Variants in GRB10 observed in about 807,000 individuals in gnomAD.
GRB10 encodes the protein growth factor receptor-bound protein 10.
In GRB10, 20 loss-of-function variants were observed where a neutral mutation model predicts 80.9. The observed-to-expected ratio is 0.25, with a 90% CI of 0.17 to 0.36. GRB10 has a LOEUF of 0.36. Ranked by LOEUF, GRB10 falls within the 10% of genes least tolerant of loss-of-function variation. GRB10 has a pLI of 1.00. For synonymous variants in GRB10, 291 were observed against 291.5 expected (o/e 1.00, Z 0.02); for missense variants, 548 against 747.7 (o/e 0.73, Z 3.12).
At chr7:50,745,219 A>T (rs1335288769) in intron 3 of GRB10, among the ~76,000 whole-genome samples, 1 of 152,228 alleles carries the variant, frequency 6.6e-6, no homozygotes, top group East Asian at 1.9e-4. Flanking sequence ...TGTAATTTTA[A>T]ATTTGCAATG....
chr7:50,774,082 T>C (rs894788976), intron 2 of GRB10, among the ~76,000 whole-genome samples: 2 of 152,232 alleles, frequency 1.3e-5, no homozygotes, highest in Admixed American at 1.3e-4. Flanking sequence ...GAAAACATTA[T>C]GCTAAGTGAA....
chr7:50,790,287 C>G (rs761785078), intron 1 of GRB10, among the ~76,000 whole-genome samples: 1 of 152,204 alleles, frequency 6.6e-6, no homozygotes, highest in South Asian at 2.1e-4. Context: ...TACCTGTCTG[C>G]CAAGTCTCAC....
At chr7:50,783,112 G>A (rs970287177), upstream of GRB10, among the ~76,000 whole-genome samples, 2 of 152,210 alleles carry the variant, frequency 1.3e-5, no homozygotes, top group Non-Finnish European at 2.9e-5. Context: ...TACCCGCTAC[G>A]CCGCATTCGC....
At chr7:50,635,835 A>G (rs1193213548) in intron 7 of GRB10, among the ~76,000 whole-genome samples, 2 of 151,610 alleles carry the variant, frequency 1.3e-5, no homozygotes, top group African/African-American at 4.8e-5. Flanking sequence ...AATCAGGAAG[A>G]AACAGAAATC....
chr7:50,763,684 C>T (rs1031177729), intron 2 of GRB10, among the ~76,000 whole-genome samples: 1 of 152,250 alleles, frequency 6.6e-6, no homozygotes, highest in African/African-American at 2.4e-5. Flanking sequence ...GAAACAAGAG[C>T]TCTCCATTCC....
rs1276911596 is a variant in GRB10 at position 50,695,047 on chromosome 7, T to A, written c.139+8774A>T. ...TCCCTCCCCGTGCCTGGGACACACC[T>A]CTGCATCCTCCCAGGGTATGATCCA... On this transcript the variant is annotated intron_variant, in intron 5 of 18. Transcript: ENST00000401949. Among the ~76,000 whole-genome samples, 3 of 152,124 alleles carry A rather than the reference T, an allele frequency of 2.0e-5. No individual in the cohort carries two copies. The East Asian group carries it at 5.8e-4, about 29-fold the overall frequency.
intron 2 of GRB10, among the ~76,000 whole-genome samples, chr7:50,770,210 C>T (rs925438623): frequency 3.3e-5 from 5 of 152,246 alleles, no homozygotes; most frequent in South Asian, 4.1e-4. Flanking sequence ...AGCATTACCA[C>T]TTCCAGGCTG....
intron 2 of GRB10, among the ~76,000 whole-genome samples, chr7:50,775,404 G>A (rs2077517586): frequency 6.6e-6 from 1 of 152,166 alleles, no homozygotes; most frequent in African/African-American, 2.4e-5. Context: ...GCCAACTGCT[G>A]GGCACAGCCC....
At chr7:50,682,172 C>T (rs558866785) in intron 5 of GRB10, among the ~76,000 whole-genome samples, 8 of 152,338 alleles carry the variant, frequency 5.3e-5, no homozygotes, top group South Asian at 4.1e-4. Context: ...GAGAAGGGAT[C>T]GTAGCTCACC....
At chr7:50,594,071 T>C (rs1392728186) in intron 18 of GRB10, among the ~76,000 whole-genome samples, 6 of 152,118 alleles carry the variant, frequency 3.9e-5, no homozygotes, top group African/African-American at 1.4e-4. Context: ...ACTGTGTGAA[T>C]AATATAATGC....
At chr7:50,771,528 G>GC (rs1053629273) in intron 2 of GRB10, among the ~76,000 whole-genome samples, 2 of 152,266 alleles carry the variant, frequency 1.3e-5, no homozygotes, top group Admixed American at 1.3e-4. Flanking sequence ...AGGACGGACT[G>GC]CCCCCCTGGG....
At chr7:50,689,827 TA>T (rs2062581726) in intron 5 of GRB10, among the ~76,000 whole-genome samples, 1 of 151,986 alleles carries the variant, frequency 6.6e-6, no homozygotes. Flanking sequence ...TTTTTTTTTT[TA>T]TTTTTTACTT....
intron 1 of GRB10, among the ~76,000 whole-genome samples, chr7:50,791,942 T>C (rs1327263034): frequency 6.6e-6 from 1 of 152,204 alleles, no homozygotes; most frequent in Non-Finnish European, 1.5e-5. Flanking sequence ...AAACTCTTGA[T>C]TCTAACTCTT....
At chr7:50,768,539 T>A (rs758495494) in intron 2 of GRB10, among the ~76,000 whole-genome samples, 1 of 152,198 alleles carries the variant, frequency 6.6e-6, no homozygotes, top group African/African-American at 2.4e-5. Flanking sequence ...AGTACACACT[T>A]ACCATGTCAT....
At chr7:50,632,870 C>T (rs1453400288) in intron 7 of GRB10, among the ~76,000 whole-genome samples, 1 of 152,074 alleles carries the variant, frequency 6.6e-6, no homozygotes, top group Non-Finnish European at 1.5e-5. Context: ...GTCCCTAGAC[C>T]CCCGCCAAGG....
chr7:50,763,940 C>T (rs2076055303), intron 2 of GRB10, among the ~76,000 whole-genome samples: 1 of 152,240 alleles, frequency 6.6e-6, no homozygotes, highest in Non-Finnish European at 1.5e-5. Context: ...CACCCAAATT[C>T]TCAGCGACAG....
intron 3 of GRB10, among the ~76,000 whole-genome samples, chr7:50,735,397 T>C (rs1383696905): frequency 6.6e-6 from 1 of 152,212 alleles, no homozygotes; most frequent in African/African-American, 2.4e-5. Flanking sequence ...ATGCAGTCCC[T>C]ATCAATATCC....
intron 6 of GRB10, 104 bp from the exon 7 acceptor site, chr7:50,669,967 G>C (rs2060193574): frequency 7.2e-7 from 1 of 1,394,752 alleles, no homozygotes; most frequent in African/African-American, 1.4e-5. Context: ...GGGCTTCTAG[G>C]AGTCACTGGC....
intron 6 of GRB10, among the ~76,000 whole-genome samples, chr7:50,672,250 C>G (rs2060443571): frequency 6.6e-6 from 1 of 152,214 alleles, no homozygotes; most frequent in Admixed American, 6.5e-5. Flanking sequence ...TGGTACCCAG[C>G]AGCCTGCTCC....
Sources: allele counts gnomAD v4.1 joint callset (sites outside exome capture counted in the v4.1 genomes callset), GRCh38; gene constraint gnomAD v4.1.1; transcripts MANE v1.5; gene names NCBI Gene and HGNC (gene_info 2026-07-23, HGNC 2026-07-21).